Variants in STAB2 observed in about 807,000 individuals in gnomAD.
The protein encoded by STAB2 is stabilin 2.
A neutral mutation model predicts 338.1 loss-of-function variants in STAB2; 288 were observed. That is an observed-to-expected ratio of 0.85 (90% CI 0.77 to 0.94). The LOEUF is 0.94. Ranked by LOEUF, STAB2 falls within the 40% of genes least tolerant of loss-of-function variation. The pLI is 0.00. For missense variants in STAB2, 3,141 were observed against 3,210.1 expected (o/e 0.98, Z 0.52); for synonymous variants, 1,202 against 1,193.3 (o/e 1.01, Z -0.15).
chr12:103,594,657 C>T, intron 3 of STAB2, 147 bp downstream of exon 3: 1 of 648,700 alleles, frequency 1.5e-6, no homozygotes, highest in Non-Finnish European at 2.7e-6. Flanking sequence ...GAAAATCTTT[C>T]TTGCCCTGTT....
At chr12:103,719,230 T>G (rs575344877) in intron 44 of STAB2, among the ~76,000 whole-genome samples, 1 of 152,214 alleles carries the variant, frequency 6.6e-6, no homozygotes, top group Non-Finnish European at 1.5e-5. Context: ...TGCATCAATG[T>G]CACATTCATA....
Position 103,695,750 on chromosome 12 carries a change from C to G in STAB2, c.3488C>G (p.Ala1163Gly). The G allele has an allele frequency of 6.2e-7, 1 of 1,613,922 alleles. No homozygotes were observed. The highest frequency in any genetic ancestry group is 8.5e-7 in the Non-Finnish European group (1 of 1,179,972). The change falls in exon 33 of 69, where the codon GCG becomes GGG. Residue 1163 changes from alanine to glycine, a missense_variant. Ala to Gly is a moderately conservative substitution (Grantham distance 60). Coordinates refer to ENST00000388887, the MANE Select transcript of STAB2 (RefSeq NM_017564.10). Reference protein sequence around the residue: ...FRGYIIQYNLANAIEAADAYT... With the variant: ...FRGYIIQYNLGNAIEAADAYT... ...TTTCCATCGCAGCAATATAATCTGG[C>G]GAATGCAATTGAGGCTGCCGATGCC... is the stretch of plus-strand genomic sequence containing the variant.
intron 9 of STAB2, among the ~76,000 whole-genome samples, chr12:103,644,292 G>A (rs1873165555): frequency 6.7e-6 from 1 of 149,332 alleles, no homozygotes; most frequent in Non-Finnish European, 1.5e-5. Flanking sequence ...TGGATTAAGG[G>A]TGGTGCAAGA....
At chr12:103,766,056 G>A (rs1299550775) in intron 68 of STAB2, 2 of 672,026 alleles carry the variant, frequency 3.0e-6, no homozygotes, top group Non-Finnish European at 5.5e-6. Flanking sequence ...GAGTTGGGAT[G>A]ATTTGTCTTG....
intron 68 of STAB2, among the ~76,000 whole-genome samples, chr12:103,764,819 C>CGGGTGCA (rs1309930511): frequency 2.0e-5 from 3 of 151,922 alleles, no homozygotes. Flanking sequence ...AAGTTCGGGC[C>CGGGTGCA]GGGTGCAGTG....
intron 3 of STAB2, among the ~76,000 whole-genome samples, chr12:103,606,749 A>G (rs1355317051): frequency 6.6e-6 from 1 of 152,082 alleles, no homozygotes; most frequent in Non-Finnish European, 1.5e-5. Flanking sequence ...CTTTGGGAGG[A>G]TGAGACAGGT....
At chr12:103,621,807 A>C (rs1396877330) in intron 4 of STAB2, among the ~76,000 whole-genome samples, 1 of 152,228 alleles carries the variant, frequency 6.6e-6, no homozygotes, top group Non-Finnish European at 1.5e-5. Flanking sequence ...CTATCTATTT[A>C]TATCTTTGGA....
At chr12:103,749,177 G>A (rs751435836) in intron 59 of STAB2, 21 bp downstream of exon 59, 8 of 1,581,122 alleles carry the variant, frequency 5.1e-6, no homozygotes, top group African/African-American at 1.3e-5. Flanking sequence ...CTTTCCCAGG[G>A]AAATTTGGGA....
At chr12:103,756,284 T>C (rs1220042161) in intron 63 of STAB2, among the ~76,000 whole-genome samples, 1 of 152,222 alleles carries the variant, frequency 6.6e-6, no homozygotes, top group African/African-American at 2.4e-5. Flanking sequence ...GGTTTGGTGC[T>C]GACTGATCAA....
chr12:103,740,640 AG>A lies in STAB2; in HGVS notation c.5766del (p.Lys1923SerfsTer22). 1.2e-6 allele frequency: 2 copies of A among 1,612,158 alleles called. No homozygotes were observed. Among genetic ancestry groups the A allele is most frequent in the Non-Finnish European group, 1.7e-6 (2 of 1,179,212 alleles). On this transcript the variant is annotated frameshift_variant, in exon 55 of 69. Transcript: ENST00000388887. LOFTEE classifies it high-confidence loss of function. ...PRWSKPKGVK[Q>X]KCLYNLPFKR... ...ACTCTCTTCCCTTAGGGTGTGAAGC[AG>A]AAGTGTCTCTACAACCTGCCCTTCA...
At chr12:103,627,194 GC>G (rs202245797) in intron 5 of STAB2, among the ~76,000 whole-genome samples, 1,714 of 152,236 alleles carry the variant, frequency 0.011, 23 homozygotes, top group Non-Finnish European at 0.015. Flanking sequence ...CAGAGCCTGG[GC>G]CCCTAAGCAC....
At chr12:103,685,459 T>TGCGTGTGTGTGTGCGTGCGCGC in intron 27 of STAB2, among the ~76,000 whole-genome samples, 1 of 135,664 alleles carries the variant, frequency 7.4e-6, no homozygotes, top group African/African-American at 2.6e-5. Flanking sequence ...TGTGTGCGCG[T>TGCGTGTGTGTGTGCGTGCGCGC]GCGTGTGTGT....
At chr12:103,750,833 G>A in intron 60 of STAB2, 113 bp downstream of exon 60, 1 of 1,389,638 alleles carries the variant, frequency 7.2e-7, no homozygotes. Flanking sequence ...GCTCAAGCCT[G>A]TAATCCCAAT....
At chr12:103,713,512 T>G (rs1343848232) in intron 41 of STAB2, 131 bp from the exon 42 acceptor site, 2 of 1,342,750 alleles carry the variant, frequency 1.5e-6, no homozygotes, top group African/African-American at 1.5e-5. Context: ...TTTTTGGGAA[T>G]TGGCCATATT....
chr12:103,621,320 T>TTTTTTTTTTTTTTTTTTTGAG (rs1565966251), intron 4 of STAB2, among the ~76,000 whole-genome samples: 2 of 152,212 alleles, frequency 1.3e-5, no homozygotes, highest in Non-Finnish European at 2.9e-5. Context: ...GATTTTCTTT[T>TTTTTTTTTTTTTTTTTTTGAG]ACCAGTTGAA....
rs895902657 is a variant in STAB2, at chr12:103,683,942, T to C, written c.2901+642T>C. 3.9e-5 allele frequency among the ~76,000 whole-genome samples: 6 copies of C among 152,074 alleles called. No individual in the cohort carries two copies. In the East Asian group the frequency reaches 9.7e-4, roughly 25 times the overall value. On this transcript the variant is annotated intron_variant, in intron 26 of 68. Transcript: ENST00000388887. The stretch of plus-strand genomic sequence containing the variant: ...TAACAGAGTCCATGCAGAAGATAAA[T>C]TTGCTGGGAGGACCCCCAGGGTAGC...
At chr12:103,666,191 T>G (rs1593201279) in intron 18 of STAB2, 100 bp from the exon 19 acceptor site, 1 of 1,179,782 alleles carries the variant, frequency 8.5e-7, no homozygotes, top group South Asian at 1.3e-5. Context: ...CTCAGTGGGG[T>G]TTCCTTCACA....
chr12:103,725,125 C>G (rs143107229), intron 45 of STAB2, 31 bp downstream of exon 45: 1 of 1,592,928 alleles, frequency 6.3e-7, no homozygotes, highest in Non-Finnish European at 8.6e-7. Context: ...ATCAAGTAAA[C>G]TCTACTTCCC....
Position 103,590,917 on chromosome 12 carries a change from G to A in STAB2, c.102G>A (p.Lys34=). The A allele has an allele frequency of 6.2e-7, 1 of 1,614,088 alleles. No individual in the cohort carries two copies. Among genetic ancestry groups the A allele is most frequent in the Non-Finnish European group, 8.5e-7 (1 of 1,179,986 alleles). ...CACAGGCAAGAAGATGTGATAGGAA[G>A]TCTCTTCTTACAATTAGGACCGAGT... is the stretch of plus-strand genomic sequence containing the variant. The part of the protein sequence containing the change: ...TTGQARRCDR[K]SLLTIRTECR... Residue 34 remains lysine, a synonymous_variant, in exon 2 of 69, where the codon AAG becomes AAA. Coordinates refer to ENST00000388887, the MANE Select transcript of STAB2 (RefSeq NM_017564.10).
Sources: gnomAD v4.1 joint callset for allele counts (sites outside exome capture counted in the v4.1 genomes callset) on GRCh38, gnomAD v4.1.1 for gene constraint, MANE v1.5 for transcripts, NCBI Gene and HGNC (gene_info 2026-07-23, HGNC 2026-07-21) for gene names.